Variants in TRAFD1 observed in about 807,000 individuals in gnomAD.
TRAFD1 encodes the protein TRAF-type zinc finger domain-containing protein 1.
A neutral mutation model predicts 65.3 loss-of-function variants in TRAFD1; 38 were observed. The ratio of observed to expected loss-of-function variants is 0.58; its 90% CI spans 0.45 to 0.76. The LOEUF (loss-of-function observed/expected upper bound fraction) is 0.76. Ranked by LOEUF, TRAFD1 falls within the 30% of genes least tolerant of loss-of-function variation. TRAFD1 has a pLI of 0.00. For missense variants in TRAFD1, 631 were observed against 712.6 expected (o/e 0.89, Z 1.30); for synonymous variants, 223 against 257.2 (o/e 0.87, Z 1.27).
intron 6 of TRAFD1, among the ~76,000 whole-genome samples, chr12:112,143,648 T>C (rs925960444): frequency 6.6e-6 from 1 of 152,214 alleles, no homozygotes; most frequent in Non-Finnish European, 1.5e-5. Flanking sequence ...TTTTGAGTTC[T>C]GTTTGATCCT....
Position 112,152,857 on chromosome 12 carries a change from G to A in TRAFD1, c.*66G>A, listed in dbSNP as rs141081643. On this transcript the variant is annotated 3_prime_UTR_variant, in exon 12 of 12. Coordinates refer to ENST00000412615, the MANE Select transcript of TRAFD1 (RefSeq NM_006700.3). The surrounding 1 kb of genome is among the most constrained non-coding windows in gnomAD (Gnocchi z 5.0). ...GCACAGCAGCACTTGCCGCTGTGCA[G>A]GCCCACCTCTTTGGCTCTTTGGGTG... is the stretch of plus-strand genomic sequence containing the variant. 722 of 1,562,934 alleles carry A rather than the reference G, an allele frequency of 4.6e-4. 5 individuals are homozygous for A. In the African/African-American group the frequency reaches 7.9e-3, roughly 17 times the overall value.
rs773102216 is a variant in TRAFD1 at position 112,145,589 on chromosome 12, C to G, written c.854C>G (p.Ala285Gly). 2.5e-6 allele frequency: 4 copies of G among 1,613,954 alleles called. No individual in the cohort carries two copies. The highest frequency in any genetic ancestry group is 3.4e-6 in the Non-Finnish European group (4 of 1,180,004). The part of the protein sequence containing the change: ...GPRSLSDIKG[A>G]ADEIMLPCEF... ...CATTGTGTGGCCTAATACCTAGGTG[C>G]AGCTGACGAGATCATGTTGCCTTGT... Residue 285 changes from alanine (A) to glycine (G), a missense_variant, in exon 7 of 12, where the codon GCA becomes GGA. By Grantham distance (60) the Ala-to-Gly change is moderately conservative. Coordinates refer to ENST00000412615, the MANE Select transcript of TRAFD1 (RefSeq NM_006700.3).
At chr12:112,127,581 G>A (rs796626212) in intron 1 of TRAFD1, among the ~76,000 whole-genome samples, 5 of 152,050 alleles carry the variant, frequency 3.3e-5, no homozygotes, top group African/African-American at 1.2e-4. Flanking sequence ...CAAGTAGCTG[G>A]GACTACCTCA....
chr12:112,135,277 G>A (rs1043975515), intron 4 of TRAFD1, among the ~76,000 whole-genome samples: 2 of 152,174 alleles, frequency 1.3e-5, no homozygotes, highest in East Asian at 1.9e-4. Flanking sequence ...TGAGACTCGC[G>A]AAGTATCTCC....
intron 4 of TRAFD1, among the ~76,000 whole-genome samples, chr12:112,135,739 G>A (rs2079596002): frequency 6.6e-6 from 1 of 151,344 alleles, no homozygotes. Context: ...TGGATAACAT[G>A]CTATTTAACC....
chr12:112,128,953 T>TGCAGTGAGCCGAGATC (rs1450136601), intron 1 of TRAFD1, among the ~76,000 whole-genome samples: 4 of 148,728 alleles, frequency 2.7e-5, no homozygotes, highest in Admixed American at 6.8e-5. Flanking sequence ...AGGTCGAGGT[T>TGCAGTGAGCCGAGATC]GCAGTGAGCC....
intron 7 of TRAFD1, among the ~76,000 whole-genome samples, 176 bp from the exon 8 acceptor site, chr12:112,147,898 T>C (rs2030297387): frequency 6.6e-6 from 1 of 152,090 alleles, no homozygotes; most frequent in Admixed American, 6.5e-5. Context: ...CTTGAACTGC[T>C]GACCTCGTGA....
chr12:112,129,808 A>T (rs1054245117), intron 1 of TRAFD1, among the ~76,000 whole-genome samples: 1 of 151,600 alleles, frequency 6.6e-6, no homozygotes, highest in Non-Finnish European at 1.5e-5. Flanking sequence ...ACACCCAGCT[A>T]ATTTTTGTAT....
intron 6 of TRAFD1, among the ~76,000 whole-genome samples, chr12:112,143,283 A>G (rs2030142219): frequency 6.6e-6 from 1 of 152,022 alleles, no homozygotes; most frequent in African/African-American, 2.4e-5. Flanking sequence ...GTTTCACTGT[A>G]TTAGCCAGGA....
At chr12:112,146,797 C>T (rs1277887794) in intron 7 of TRAFD1, among the ~76,000 whole-genome samples, 1 of 152,142 alleles carries the variant, frequency 6.6e-6, no homozygotes, top group South Asian at 2.1e-4. Context: ...CTTCTGATCT[C>T]CTGTTGGTCT....
chr12:112,145,566 T>C lies in TRAFD1; in HGVS notation c.851-20T>C, dbSNP rs902012175. On this transcript the variant is annotated intron_variant, in intron 6 of 11. Transcript: ENST00000412615. ...TTGTTTTTGTTCATCCTGAGTCTCA[T>C]TGTGTGGCCTAATACCTAGGTGCAG... 1.2e-6 allele frequency: 2 copies of C among 1,613,522 alleles called. No homozygotes were observed. The highest frequency in any genetic ancestry group is 8.5e-7 in the Non-Finnish European group (1 of 1,179,630).
intron 7 of TRAFD1, among the ~76,000 whole-genome samples, chr12:112,146,969 C>T (rs1239399895): frequency 5.7e-5 from 8 of 139,400 alleles, no homozygotes; most frequent in Non-Finnish European, 1.2e-4. Flanking sequence ...TGAGGATTAC[C>T]TGATGGAGGG....
chr12:112,134,601 G>C, intron 2 of TRAFD1, 137 bp from the exon 3 acceptor site: 1 of 1,024,942 alleles, frequency 9.8e-7, no homozygotes, highest in East Asian at 2.5e-5. Context: ...TCATGAGTTT[G>C]TAGGCTAGGT....
chr12:112,153,061 G>A lies in TRAFD1; in HGVS notation c.*270G>A. 1 of 404,948 alleles carries A rather than the reference G, an allele frequency of 2.5e-6. No individual in the cohort carries two copies. The highest frequency in any genetic ancestry group is 3.9e-5 in the South Asian group (1 of 25,696). The allele number at this position is 404,948 out of a possible 1,614,324, so 25.1% of individuals were successfully genotyped here. A position where few individuals can be genotyped will look rare whatever the true frequency, so the allele number is the denominator to read the frequency against. On this transcript the variant is annotated 3_prime_UTR_variant, in exon 12 of 12. Transcript: ENST00000412615. Reference sequence around the variant, plus strand: ...ACAAGCTGCAGCCTCGGCTGCCAGGGCTCCCTTTTGACTTATTGTCGCCAC... The same window carrying A: ...ACAAGCTGCAGCCTCGGCTGCCAGGACTCCCTTTTGACTTATTGTCGCCAC...
intron 7 of TRAFD1, 42 bp from the exon 8 acceptor site, chr12:112,148,032 A>C: frequency 1.3e-6 from 2 of 1,514,730 alleles, no homozygotes; most frequent in Non-Finnish European, 1.8e-6. Flanking sequence ...TTTTTTCTTA[A>C]CCTCTGATTC....
rs1216560280 is a variant in TRAFD1 at position 112,152,736 on chromosome 12, C to A, written c.1694C>A (p.Ala565Glu). Residue 565 changes from alanine (A) to glutamate (E), a missense_variant and splice_region_variant, in exon 12 of 12, where the codon GCA becomes GAA. Transcript: ENST00000412615. The surrounding 1 kb of genome is among the most constrained non-coding windows in gnomAD (Gnocchi z 5.0). ...AANYRSRTAKAKPSKQQGAGD... is the reference protein window; with the variant it reads ...AANYRSRTAKEKPSKQQGAGD... Reference sequence around the variant, plus strand: ...CGTTTGTGTTGTGTTGTTCACCAGGCAAAGCCTTCCAAGCAACAGGGAGCT... The same window carrying A: ...CGTTTGTGTTGTGTTGTTCACCAGGAAAAGCCTTCCAAGCAACAGGGAGCT... 1.2e-6 allele frequency: 2 copies of A among 1,614,204 alleles called. No homozygotes were observed. Among genetic ancestry groups the A allele is most frequent in the East Asian group, 4.5e-5 (2 of 44,888 alleles).
At chr12:112,138,191 G>C (rs1055590253) in intron 4 of TRAFD1, among the ~76,000 whole-genome samples, 3 of 152,054 alleles carry the variant, frequency 2.0e-5, no homozygotes, top group Non-Finnish European at 2.9e-5. Flanking sequence ...AGTGAGCCCT[G>C]TTTGTGCCAC....
intron 7 of TRAFD1, among the ~76,000 whole-genome samples, chr12:112,147,324 C>A (rs567419554): frequency 5.3e-5 from 8 of 152,072 alleles, no homozygotes; most frequent in African/African-American, 9.7e-5. Context: ...TCCCTCAATA[C>A]TCTGATTTGG....
intron 5 of TRAFD1, 38 bp downstream of exon 5, chr12:112,141,262 C>T (rs758956418): frequency 5.0e-6 from 8 of 1,597,068 alleles, no homozygotes; most frequent in Non-Finnish European, 6.8e-6. Context: ...AGAATGGTAT[C>T]AAAATCCCAA....
Sources: gnomAD v4.1 joint callset for allele counts (sites outside exome capture counted in the v4.1 genomes callset) on GRCh38, gnomAD v4.1.1 for gene constraint, Gnocchi (gnomAD v3.1) non-coding constraint, MANE v1.5 for transcripts, NCBI Gene and HGNC (gene_info 2026-07-23, HGNC 2026-07-21) for gene names.